ARHGAP24: variants seen among roughly 807,000 people sequenced by gnomAD.
ARHGAP24 encodes rho GTPase-activating protein 24.
Under a neutral mutation model 76.4 loss-of-function variants are expected in ARHGAP24, and 50 were observed. The observed-to-expected ratio is 0.65, with a 90% confidence interval of 0.52 to 0.83. The LOEUF is 0.83. Among genes scored for constraint, ARHGAP24 ranks in the 40% least tolerant of loss-of-function variants. The pLI is 0.00. For synonymous variants in ARHGAP24, 345 were observed against 323.3 expected (o/e 1.07, Z -0.72); for missense variants, 930 against 914.2 (o/e 1.02, Z -0.22).
chr4:85,956,102 G>C (rs1160335130), intron 5 of ARHGAP24, among the ~76,000 whole-genome samples: 1 of 152,182 alleles, frequency 6.6e-6, no homozygotes, highest in East Asian at 1.9e-4. Context: ...ATGTGAACCA[G>C]TAAAAGGGAG....
intron 3 of ARHGAP24, among the ~76,000 whole-genome samples, chr4:85,823,973 T>C (rs1729593062): frequency 6.6e-6 from 1 of 152,024 alleles, no homozygotes; most frequent in African/African-American, 2.4e-5. Context: ...CATCTTAAGA[T>C]AGAAAAGGCA....
intron 2 of ARHGAP24, among the ~76,000 whole-genome samples, chr4:85,680,149 T>G (rs185599915): frequency 4.6e-5 from 7 of 152,298 alleles, no homozygotes; most frequent in Admixed American, 4.6e-4. Context: ...TCTCTAATAT[T>G]ATGAATCTGA....
intron 9 of ARHGAP24, chr4:86,000,189 T>C: frequency 3.2e-6 from 1 of 317,160 alleles, no homozygotes; most frequent in Non-Finnish European, 6.0e-6. Flanking sequence ...CGGCATGTGT[T>C]ACTGGCTTAT....
intron 3 of ARHGAP24, among the ~76,000 whole-genome samples, chr4:85,880,743 A>G (rs1578338361): frequency 6.6e-6 from 1 of 152,030 alleles, no homozygotes; most frequent in African/African-American, 2.4e-5. Flanking sequence ...CTTAGCCAGG[A>G]TGGTCTCGAT....
chr4:85,881,011 CT>C (rs1420681629), intron 3 of ARHGAP24, among the ~76,000 whole-genome samples: 1 of 152,162 alleles, frequency 6.6e-6, no homozygotes, highest in African/African-American at 2.4e-5. Context: ...TTTATGGCTT[CT>C]TTTTGGCATA....
At chr4:85,637,445 C>T (rs973809729) in intron 2 of ARHGAP24, among the ~76,000 whole-genome samples, 8 of 152,002 alleles carry the variant, frequency 5.3e-5, no homozygotes, top group South Asian at 4.2e-4. Flanking sequence ...CACTGATTTT[C>T]GAACATATAT....
At position 85,952,813 on chromosome 4, in the gene ARHGAP24, C is replaced by A. The variant is rs527385350; in HGVS notation, c.599+10540C>A. On this transcript the variant is annotated intron_variant, in intron 5 of 9. Transcript: ENST00000395184. ...TTTGTATTCTTTCAGTTCCTGTCAA[C>A]TGTAAAAACAAACAAACAAAAGAAA... Among the ~76,000 whole-genome samples, 23 of 152,260 alleles carry A rather than the reference C, an allele frequency of 1.5e-4. No individual in the cohort carries two copies. In the East Asian group the frequency reaches 4.4e-3, roughly 29 times the overall value.
At position 86,000,661 on chromosome 4, in the gene ARHGAP24, T is replaced by C; in HGVS notation, c.2186T>C (p.Phe729Ser). The C allele has an allele frequency of 6.2e-7, 1 of 1,613,862 alleles. No homozygotes were observed. ...QKEMEQFFST[F>S]GELTVEPRRT... is the part of the protein sequence containing the mutation. ...GAAATGGAGCAGTTTTTTTCCACGT[T>C]TGGAGAACTGACAGTGGAACCCAGG... Residue 729 changes from phenylalanine (F) to serine (S), a missense_variant, in exon 10 of 10, where the codon TTT becomes TCT. Coordinates refer to ENST00000395184, the MANE Select transcript of ARHGAP24 (RefSeq NM_001025616.3).
intron 2 of ARHGAP24, among the ~76,000 whole-genome samples, chr4:85,627,526 C>T (rs1721005416): frequency 6.6e-6 from 1 of 152,144 alleles, no homozygotes. Context: ...GGTCAGGGAG[C>T]CACTTGAGGA....
chr4:85,583,923 G>A (rs1206733176), intron 2 of ARHGAP24, among the ~76,000 whole-genome samples: 7 of 91,398 alleles, frequency 7.7e-5, no homozygotes, highest in East Asian at 5.7e-3. Context: ...AATGGCAATC[G>A]TTAAAAAGTC....
At chr4:85,919,194 A>T (rs530948610) in intron 3 of ARHGAP24, among the ~76,000 whole-genome samples, 145 of 152,334 alleles carry the variant, frequency 9.5e-4, no homozygotes, top group African/African-American at 3.3e-3. Flanking sequence ...ATAGATCATT[A>T]AGTCCCGTAA....
intron 4 of ARHGAP24, among the ~76,000 whole-genome samples, chr4:85,926,449 T>C (rs937737511): frequency 3.9e-5 from 6 of 152,154 alleles, no homozygotes; most frequent in Non-Finnish European, 5.9e-5. Flanking sequence ...CAGAGTTTGC[T>C]AAAGTTAATA....
intron 7 of ARHGAP24, among the ~76,000 whole-genome samples, chr4:85,977,182 A>C (rs1023044673): frequency 1.3e-5 from 2 of 152,198 alleles, no homozygotes; most frequent in Non-Finnish European, 1.5e-5. Flanking sequence ...TAAAGAAGGC[A>C]TCCTACCAGC....
intron 1 of ARHGAP24, among the ~76,000 whole-genome samples, chr4:85,530,294 G>A (rs968647740): frequency 7.2e-5 from 11 of 151,896 alleles, no homozygotes; most frequent in South Asian, 2.1e-4. Flanking sequence ...TGAGAATTAC[G>A]ATAAACTGTT....
intron 3 of ARHGAP24, among the ~76,000 whole-genome samples, chr4:85,767,095 A>C (rs1296162882): frequency 6.6e-6 from 1 of 152,142 alleles, no homozygotes; most frequent in African/African-American, 2.4e-5. Context: ...GTAGTAGGCT[A>C]TACTATCTAA....
At chr4:85,581,855 C>G (rs1727629950) in intron 2 of ARHGAP24, among the ~76,000 whole-genome samples, 1 of 151,926 alleles carries the variant, frequency 6.6e-6, no homozygotes, top group African/African-American at 2.4e-5. Context: ...GGTAAATAAG[C>G]CAAAGGTACT....
intron 3 of ARHGAP24, among the ~76,000 whole-genome samples, chr4:85,724,522 TATATATAG>T (rs1725093302): frequency 9.2e-6 from 1 of 108,322 alleles, no homozygotes; most frequent in African/African-American, 3.2e-5. Flanking sequence ...TATATATATA[TATATATAG>T]GAATTTTTAT....
At chr4:85,623,222 G>T (rs1293273781) in intron 2 of ARHGAP24, among the ~76,000 whole-genome samples, 1 of 152,050 alleles carries the variant, frequency 6.6e-6, no homozygotes, top group Non-Finnish European at 1.5e-5. Flanking sequence ...GGGTTTTTAT[G>T]GTTTTAGGTC....
intron 3 of ARHGAP24, among the ~76,000 whole-genome samples, chr4:85,864,437 G>T (rs1371051847): frequency 6.6e-6 from 1 of 151,978 alleles, no homozygotes; most frequent in Non-Finnish European, 1.5e-5. Context: ...GTACAGTTAT[G>T]TTAAGAGGAT....
Sources: gnomAD v4.1 joint callset for allele counts (sites outside exome capture counted in the v4.1 genomes callset) on GRCh38, gnomAD v4.1.1 for gene constraint, MANE v1.5 for transcripts, NCBI Gene and HGNC (gene_info 2026-07-23, HGNC 2026-07-21) for gene names.